CNTNAP3B: variants seen among roughly 807,000 people sequenced by gnomAD.
The protein encoded by CNTNAP3B is contactin-associated protein-like 3B.
Under a neutral mutation model 108.9 loss-of-function variants are expected in CNTNAP3B, and 25 were observed. The ratio of observed to expected loss-of-function variants is 0.23; its 90% CI spans 0.17 to 0.32. CNTNAP3B has a LOEUF of 0.32. CNTNAP3B is among the 10% of genes least tolerant of loss of function. The pLI, the probability that CNTNAP3B is intolerant of heterozygous loss-of-function variation, is 1.00. For synonymous variants in CNTNAP3B, 103 were observed against 473.4 expected (o/e 0.22, Z 10.16); for missense variants, 252 against 1,210.4 (o/e 0.21, Z 11.75).
chr9:41,925,056 CT>C (rs1304568881), intron 15 of CNTNAP3B, among the ~76,000 whole-genome samples: 1 of 152,016 alleles, frequency 6.6e-6, no homozygotes, highest in African/African-American at 2.4e-5. Context: ...TTTCAACTGC[CT>C]TGTAAAGTGG....
chr9:42,061,451 G>A (rs1418016750), intron 3 of CNTNAP3B, among the ~76,000 whole-genome samples: 1 of 134,644 alleles, frequency 7.4e-6, no homozygotes, highest in Admixed American at 7.4e-5. Context: ...CCGAGTAGCT[G>A]GGACAGCAGG....
chr9:42,078,395 C>A (rs537269560), intron 2 of CNTNAP3B, among the ~76,000 whole-genome samples: 1 of 138,060 alleles, frequency 7.2e-6, no homozygotes, highest in South Asian at 2.3e-4. Context: ...TGTAGTGAAT[C>A]TTTGTTCAAA....
intron 6 of CNTNAP3B, among the ~76,000 whole-genome samples, chr9:41,997,283 T>C (rs1350821218): frequency 5.9e-5 from 9 of 152,074 alleles, no homozygotes; most frequent in Admixed American, 1.3e-4. Flanking sequence ...AAATGAAATA[T>C]ATTCAAATGA....
At chr9:41,946,030 G>A (rs1389648894) in intron 13 of CNTNAP3B, among the ~76,000 whole-genome samples, 1 of 152,200 alleles carries the variant, frequency 6.6e-6, no homozygotes, top group African/African-American at 2.4e-5. Context: ...AATATAACAA[G>A]AAGATATAAT....
intron 3 of CNTNAP3B, among the ~76,000 whole-genome samples, chr9:42,054,668 C>T (rs1432271143): frequency 6.6e-6 from 1 of 151,606 alleles, no homozygotes. Context: ...CAACATTAAA[C>T]ATGGGAAAAA....
chr9:41,955,087 G>A (rs1475824353), intron 12 of CNTNAP3B, among the ~76,000 whole-genome samples: 6 of 150,524 alleles, frequency 4.0e-5, no homozygotes, highest in African/African-American at 1.5e-4. Context: ...AAAACCTATG[G>A]AACACTAAGT....
chr9:41,940,864 A>G (rs1233981427), intron 13 of CNTNAP3B, among the ~76,000 whole-genome samples: 1 of 152,242 alleles, frequency 6.6e-6, no homozygotes, highest in African/African-American at 2.4e-5. Flanking sequence ...AGAAAACTAA[A>G]ATAATTTGTC....
intron 10 of CNTNAP3B, among the ~76,000 whole-genome samples, chr9:41,964,949 C>A (rs1354209684): frequency 3.3e-5 from 5 of 152,216 alleles, no homozygotes; most frequent in East Asian, 1.9e-4. Context: ...ACACATAAAA[C>A]TATGAAATAT....
intron 13 of CNTNAP3B, among the ~76,000 whole-genome samples, chr9:41,950,886 A>T (rs1231618953): frequency 1.3e-5 from 2 of 148,264 alleles, no homozygotes; most frequent in East Asian, 2.0e-4. Context: ...TCAGCCTCCC[A>T]AGTAGACTAC....
At chr9:41,939,192 T>C (rs1390138253) in intron 13 of CNTNAP3B, among the ~76,000 whole-genome samples, 1 of 152,270 alleles carries the variant, frequency 6.6e-6, no homozygotes, top group Non-Finnish European at 1.5e-5. Context: ...GTTAGGATAA[T>C]TTAAAAAGCA....
intron 11 of CNTNAP3B, among the ~76,000 whole-genome samples, chr9:41,963,456 C>G (rs1349243481): frequency 3.3e-5 from 5 of 149,766 alleles, no homozygotes; most frequent in African/African-American, 1.2e-4. Flanking sequence ...AACGGCATGG[C>G]CTTTGAAATT....
intron 14 of CNTNAP3B, among the ~76,000 whole-genome samples, chr9:41,931,426 C>T (rs1278417383): frequency 1.1e-3 from 163 of 152,286 alleles, no homozygotes; most frequent in Admixed American, 9.5e-3. Context: ...TTACTTAACT[C>T]GACTTTTGTA....
At position 42,096,901 on chromosome 9, in the gene CNTNAP3B, C is replaced by T. The variant is rs1264899897; in HGVS notation, c.196+7728G>A. 2.7e-4 allele frequency among the ~76,000 whole-genome samples: 34 copies of T among 126,136 alleles called. 7 individuals carry two copies. Among genetic ancestry groups the T allele is most frequent in the South Asian group, 1.1e-3 (4 of 3,796 alleles). The allele number at this position is 126,136 out of a possible 152,430, so 82.8% of individuals were successfully genotyped here. On this transcript the variant is annotated intron_variant, in intron 2 of 23. Coordinates refer to ENST00000377561, the MANE Select transcript of CNTNAP3B (RefSeq NM_001201380.3). The stretch of plus-strand genomic sequence containing the variant: ...TGATGGATTTTAGACATTCCTAGTC[C>T]GTAACAGTGGCATGAAACTTTTTTT...
rs1488677047 is a variant in CNTNAP3B, at chr9:41,953,228, G to A, written c.2035C>T (p.Arg679Trp). 14 of 1,528,362 alleles carry A rather than the reference G, an allele frequency of 9.2e-6. No homozygotes were observed. In the African/African-American group the frequency reaches 9.8e-5, roughly 11 times the overall value. The allele number at this position is 1,528,362 out of a possible 1,614,324, so 94.7% of individuals were successfully genotyped here. The change falls in exon 13 of 24, where the codon CGG (arginine) becomes TGG (tryptophan). Residue 679 changes from arginine (R) to tryptophan (W), a missense_variant. Arg to Trp is a moderately radical substitution (Grantham distance 101). Coordinates refer to ENST00000377561, the MANE Select transcript of CNTNAP3B (RefSeq NM_001201380.3). ...GCTGTCCCGCAGCGCAGAGCCAGCC[G>A]CTGCTCGCAGCGCTCCGCCAGGTTC... is the stretch of plus-strand genomic sequence containing the variant. ...AVNLAERCEQ[R>W]LALRCGTARR... is the part of the protein sequence containing the mutation.
chr9:42,069,799 C>T (rs1390584169), intron 3 of CNTNAP3B, among the ~76,000 whole-genome samples: 2 of 88,152 alleles, frequency 2.3e-5, no homozygotes, highest in Non-Finnish European at 4.2e-5. Flanking sequence ...TTTTGCTTTG[C>T]AGGAGGATCA....
At chr9:42,110,149 G>T (rs1288809269) in intron 1 of CNTNAP3B, among the ~76,000 whole-genome samples, 1 of 98,318 alleles carries the variant, frequency 1.0e-5, no homozygotes, top group Non-Finnish European at 2.2e-5. Context: ...CATAGGAAAT[G>T]AACACACTTT....
chr9:42,116,255 A>G (rs1402855825), intron 1 of CNTNAP3B, among the ~76,000 whole-genome samples: 1 of 135,008 alleles, frequency 7.4e-6, no homozygotes, highest in Non-Finnish European at 1.6e-5. Flanking sequence ...AGGAAAAAAT[A>G]TTAAGGGCAG....
intron 2 of CNTNAP3B, among the ~76,000 whole-genome samples, chr9:42,098,412 A>T (rs1313282315): frequency 4.0e-5 from 1 of 24,762 alleles, no homozygotes; most frequent in Non-Finnish European, 1.1e-4. Flanking sequence ...TCTCTACTAA[A>T]AATACAAAAA....
chr9:41,954,391 C>T (rs1383271053), intron 12 of CNTNAP3B, among the ~76,000 whole-genome samples: 1 of 152,258 alleles, frequency 6.6e-6, no homozygotes, highest in East Asian at 1.9e-4. Context: ...CTTACTGTTA[C>T]TTACACACGC....
Sources: gnomAD v4.1 joint callset for allele counts (sites outside exome capture counted in the v4.1 genomes callset) on GRCh38, gnomAD v4.1.1 for gene constraint, MANE v1.5 for transcripts, NCBI Gene and HGNC (gene_info 2026-07-23, HGNC 2026-07-21) for gene names.